WWOX: variants seen among roughly 807,000 people sequenced by gnomAD.
The protein encoded by WWOX is WW domain-containing oxidoreductase.
Under a neutral mutation model 46.2 loss-of-function variants are expected in WWOX, and 69 were observed. The observed-to-expected ratio is 1.49, with a 90% CI of 1.23 to 1.82. The LOEUF is 1.82. Ranked by LOEUF, WWOX falls within the 40% of genes most tolerant of loss-of-function variation. WWOX has a pLI of 0.00. For missense variants in WWOX, 919 were observed against 542.6 expected, an observed-to-expected ratio of 1.69 and a Z score of -6.89; for synonymous variants, 359 against 202.6, an observed-to-expected ratio of 1.77 and a Z score of -6.56.
At chr16:78,835,445 C>G (rs1026273366) in intron 8 of WWOX, among the ~76,000 whole-genome samples, 1 of 152,142 alleles carries the variant, frequency 6.6e-6, no homozygotes, top group Non-Finnish European at 1.5e-5. Flanking sequence ...ATGTTACAAG[C>G]GCCCATGAGC....
intron 8 of WWOX, among the ~76,000 whole-genome samples, chr16:78,518,925 G>T (rs920108824): frequency 6.6e-6 from 1 of 152,176 alleles, no homozygotes; most frequent in African/African-American, 2.4e-5. Context: ...CATAGCTGTG[G>T]TCTTCTGAAG....
chr16:78,807,704 A>G (rs1377442454), intron 8 of WWOX, among the ~76,000 whole-genome samples: 1 of 152,226 alleles, frequency 6.6e-6, no homozygotes, highest in Non-Finnish European at 1.5e-5. Flanking sequence ...GAAAGAAGAA[A>G]CAACGTACTG....
chr16:78,479,910 G>A (rs1441880615), intron 8 of WWOX, among the ~76,000 whole-genome samples: 4 of 152,182 alleles, frequency 2.6e-5, no homozygotes, highest in African/African-American at 9.7e-5. Flanking sequence ...CTGGGAAGGA[G>A]GAACCAATGA....
chr16:79,031,320 C>G (rs1445134822), intron 8 of WWOX, among the ~76,000 whole-genome samples: 1 of 152,160 alleles, frequency 6.6e-6, no homozygotes, highest in Admixed American at 6.5e-5. Flanking sequence ...GTACTGATCA[C>G]TGTCCCATCC....
At chr16:78,641,191 T>C (rs1389053816) in intron 8 of WWOX, among the ~76,000 whole-genome samples, 2 of 152,178 alleles carry the variant, frequency 1.3e-5, no homozygotes, top group African/African-American at 4.8e-5. Flanking sequence ...ACAAAGCCTT[T>C]CACGCTGTGT....
At chr16:78,586,747 C>T (rs957568322) in intron 8 of WWOX, among the ~76,000 whole-genome samples, 2 of 152,066 alleles carry the variant, frequency 1.3e-5, no homozygotes, top group South Asian at 4.1e-4. Context: ...TGCCATTATT[C>T]TTTGACATAG....
At chr16:78,644,864 A>G (rs534905548) in intron 8 of WWOX, among the ~76,000 whole-genome samples, 3 of 152,214 alleles carry the variant, frequency 2.0e-5, no homozygotes, top group Non-Finnish European at 4.4e-5. Context: ...GTAGAAGAGG[A>G]TAGATGTAGA....
intron 8 of WWOX, among the ~76,000 whole-genome samples, chr16:79,173,187 G>A (rs2050734709): frequency 6.6e-6 from 1 of 152,190 alleles, no homozygotes; most frequent in South Asian, 2.1e-4. Flanking sequence ...CTACGTCACT[G>A]CAGAGTGAAC....
chr16:78,204,110 A>T (rs2036317557), intron 5 of WWOX, among the ~76,000 whole-genome samples: 1 of 152,210 alleles, frequency 6.6e-6, no homozygotes, highest in African/African-American at 2.4e-5. Context: ...GACAGTTTGT[A>T]CTACCTGTAG....
intron 8 of WWOX, among the ~76,000 whole-genome samples, chr16:78,683,611 A>G (rs1314399935): frequency 4.6e-5 from 7 of 152,014 alleles, no homozygotes; most frequent in Non-Finnish European, 1.0e-4. Flanking sequence ...TTTGTTGCCT[A>G]GGCTGGTCTT....
chr16:78,602,600 C>T (rs1352280057), intron 8 of WWOX, among the ~76,000 whole-genome samples: 2 of 152,246 alleles, frequency 1.3e-5, no homozygotes, highest in East Asian at 3.9e-4. Context: ...CCTTTCCATG[C>T]AAAAGATAAA....
intron 8 of WWOX, among the ~76,000 whole-genome samples, chr16:79,089,371 G>A (rs865785835): frequency 6.1e-5 from 9 of 147,450 alleles, no homozygotes; most frequent in African/African-American, 2.0e-4. Flanking sequence ...TAGCTCTGTC[G>A]CCCAGGCTGG....
chr16:78,340,360 C>G (rs532699357), intron 5 of WWOX, among the ~76,000 whole-genome samples: 1 of 118,516 alleles, frequency 8.4e-6, no homozygotes, highest in South Asian at 2.5e-4. Flanking sequence ...CCAAGCCGAA[C>G]TAATTTATTT....
At chr16:78,458,252 G>A (rs2083870620) in intron 8 of WWOX, among the ~76,000 whole-genome samples, 1 of 115,460 alleles carries the variant, frequency 8.7e-6, no homozygotes, top group African/African-American at 3.5e-5. Context: ...TTGTTTCATT[G>A]GTATAGTTTT....
intron 8 of WWOX, chr16:79,196,401 C>T (rs924397710): frequency 2.6e-5 from 4 of 152,082 alleles, no homozygotes; most frequent in African/African-American, 7.2e-5. Context: ...CCAGTTTGAA[C>T]CGAGGGACCT....
At chr16:78,809,280 A>T (rs2051126467) in intron 8 of WWOX, among the ~76,000 whole-genome samples, 1 of 151,422 alleles carries the variant, frequency 6.6e-6, no homozygotes, top group African/African-American at 2.4e-5. Flanking sequence ...TAGGGGGGAA[A>T]CAGGAACCAA....
chr16:78,464,478 G>A (rs954601318), intron 8 of WWOX, among the ~76,000 whole-genome samples: 10 of 152,090 alleles, frequency 6.6e-5, no homozygotes, highest in African/African-American at 2.4e-4. Context: ...AATACAAATC[G>A]TATCACAAAC....
chr16:78,415,431 A>G (rs1264788805), intron 6 of WWOX, among the ~76,000 whole-genome samples: 2 of 151,410 alleles, frequency 1.3e-5, no homozygotes, highest in African/African-American at 4.9e-5. Flanking sequence ...TCTTGTGCTG[A>G]CCTCCTATGT....
chr16:78,161,848 A>G (rs997600474), intron 4 of WWOX, among the ~76,000 whole-genome samples: 1 of 152,184 alleles, frequency 6.6e-6, no homozygotes, highest in African/African-American at 2.4e-5. Context: ...AATATAAATC[A>G]GTATTATATC....
Sources: gnomAD v4.1 joint callset for allele counts (sites outside exome capture counted in the v4.1 genomes callset) on GRCh38, gnomAD v4.1.1 for gene constraint, MANE v1.5 for transcripts, NCBI Gene and HGNC (gene_info 2026-07-23, HGNC 2026-07-21) for gene names.